The following SLC14A2 variants were observed in gnomAD, a reference collection of about 807,000 sequenced individuals.
The protein encoded by SLC14A2 is urea transporter 2.
A neutral mutation model predicts 104.6 loss-of-function variants in SLC14A2; 91 were observed. The ratio of observed to expected loss-of-function variants is 0.87; its 90% CI spans 0.73 to 1.04. The LOEUF is 1.04. SLC14A2 is among the 50% of genes least tolerant of loss of function. The pLI, the probability that SLC14A2 is intolerant of heterozygous loss-of-function variation, is 0.00. For missense variants in SLC14A2, 1,189 were observed against 1,156.0 expected, an observed-to-expected ratio of 1.03 and a Z score of -0.41; for synonymous variants, 476 against 466.4, an observed-to-expected ratio of 1.02 and a Z score of -0.27.
chr18:45,429,333 A>C (rs1353130041), intron 1 of SLC14A2, among the ~76,000 whole-genome samples: 1 of 152,196 alleles, frequency 6.6e-6, no homozygotes, highest in Non-Finnish European at 1.5e-5. Context: ...TCTGTGGAAG[A>C]CTTGCCTATG....
At chr18:45,360,071 C>T (rs559233249) in intron 1 of SLC14A2, among the ~76,000 whole-genome samples, 3 of 152,328 alleles carry the variant, frequency 2.0e-5, no homozygotes, top group Admixed American at 1.3e-4. Flanking sequence ...TACTCAGCTC[C>T]GGACTTCTGC....
intron 2 of SLC14A2, among the ~76,000 whole-genome samples, chr18:45,608,309 A>C (rs1308280188): frequency 1.3e-5 from 2 of 152,212 alleles, no homozygotes; most frequent in African/African-American, 4.8e-5. Flanking sequence ...AGATGGGAGG[A>C]GAGAGGTGAA....
chr18:45,511,311 T>TG (rs2043362381), intron 2 of SLC14A2, among the ~76,000 whole-genome samples: 2 of 152,220 alleles, frequency 1.3e-5, no homozygotes, highest in Non-Finnish European at 2.9e-5. Flanking sequence ...CTCTATATTT[T>TG]GGGGCAGTGG....
chr18:45,512,322 T>A, intron 2 of SLC14A2, among the ~76,000 whole-genome samples: 1 of 150,114 alleles, frequency 6.7e-6, no homozygotes, highest in Non-Finnish European at 1.5e-5. Flanking sequence ...ATGGAAGGAG[T>A]GGAGAAAAAA....
At chr18:45,318,869 C>T (rs2085157561) in intron 1 of SLC14A2, among the ~76,000 whole-genome samples, 1 of 152,214 alleles carries the variant, frequency 6.6e-6, no homozygotes, top group East Asian at 1.9e-4. Context: ...CCAAGGAGGC[C>T]TCAGTGAATG....
intron 1 of SLC14A2, among the ~76,000 whole-genome samples, chr18:45,474,307 A>T (rs1423933998): frequency 6.6e-6 from 1 of 152,176 alleles, no homozygotes; most frequent in African/African-American, 2.4e-5. Flanking sequence ...TTTTGCATCA[A>T]TGTTCATCAG....
intron 1 of SLC14A2, among the ~76,000 whole-genome samples, chr18:45,286,108 A>G (rs1184837055): frequency 1.3e-5 from 2 of 152,144 alleles, no homozygotes; most frequent in African/African-American, 4.8e-5. Flanking sequence ...TGAGTGAAAA[A>G]TCTTCATTTT....
At chr18:45,241,689 G>A (rs2084319225) in intron 1 of SLC14A2, among the ~76,000 whole-genome samples, 1 of 145,382 alleles carries the variant, frequency 6.9e-6, no homozygotes. Flanking sequence ...TGTTGCCCAG[G>A]CTGGAATGCA....
At position 45,411,418 on chromosome 18, in the gene SLC14A2, C is replaced by T. The variant is rs1598771795; in HGVS notation, c.-124-71815C>T. Among the ~76,000 whole-genome samples, 10 of 152,252 alleles carry T rather than the reference C, an allele frequency of 6.6e-5. No homozygotes were observed. In the South Asian group the frequency reaches 1.9e-3, roughly 28 times the overall value. On this transcript the variant is annotated intron_variant, in intron 1 of 20. Transcript: ENST00000586448. ...ATAAAACTTTATTTTGTTAAAAACT[C>T]TAGTGAAGGAAATTATACAACAGAA...
chr18:45,178,995 T>C, the SLC14A2 span, among the ~76,000 whole-genome samples: 1 of 152,212 alleles, frequency 6.6e-6, no homozygotes, highest in Non-Finnish European at 1.5e-5. Context: ...AGATGGTTGC[T>C]GGAAATGTAA....
At chr18:45,490,357 A>G (rs185473149) in intron 2 of SLC14A2, among the ~76,000 whole-genome samples, 16 of 152,334 alleles carry the variant, frequency 1.1e-4, no homozygotes, top group Admixed American at 6.5e-4. Flanking sequence ...TGGGGAAGGA[A>G]TAGACTGTTT....
chr18:45,293,573 G>A (rs1599650123), intron 1 of SLC14A2, among the ~76,000 whole-genome samples: 1 of 151,756 alleles, frequency 6.6e-6, no homozygotes, highest in East Asian at 1.9e-4. Context: ...TGAGGGAAAA[G>A]TAGAATTGTA....
At chr18:45,636,638 A>G (rs1382740925) in intron 5 of SLC14A2, among the ~76,000 whole-genome samples, 2 of 152,242 alleles carry the variant, frequency 1.3e-5, no homozygotes, top group African/African-American at 2.4e-5. Flanking sequence ...AAGGCAATAC[A>G]TTACATTTTG....
chr18:45,654,363 C>T (rs1408983017), intron 10 of SLC14A2, among the ~76,000 whole-genome samples: 3 of 152,094 alleles, frequency 2.0e-5, no homozygotes, highest in Non-Finnish European at 4.4e-5. Context: ...ACCAGAGACG[C>T]CGCCCAATCA....
chr18:45,613,016 T>G (rs1661374341), upstream of SLC14A2, among the ~76,000 whole-genome samples: 1 of 126,750 alleles, frequency 7.9e-6, no homozygotes, highest in Admixed American at 8.5e-5. Flanking sequence ...CTTTATAAAT[T>G]ACCCAGTCTT....
intron 1 of SLC14A2, among the ~76,000 whole-genome samples, chr18:45,386,900 G>A (rs1421788859): frequency 6.6e-6 from 1 of 152,234 alleles, no homozygotes; most frequent in Non-Finnish European, 1.5e-5. Context: ...GGCACATGGT[G>A]AGCACAGGCA....
At chr18:45,222,691 A>G (rs920366317) in intron 1 of SLC14A2, among the ~76,000 whole-genome samples, 18 of 71,966 alleles carry the variant, frequency 2.5e-4, no homozygotes, top group African/African-American at 1.4e-3. Context: ...CAGGTCTGCA[A>G]AAGATCACCA....
intron 2 of SLC14A2, among the ~76,000 whole-genome samples, chr18:45,542,060 T>TGG (rs1568268351): frequency 7.0e-6 from 1 of 142,180 alleles, no homozygotes; most frequent in Non-Finnish European, 1.5e-5. Context: ...TTTTTTTTTT[T>TGG]TTTTTTTTTT....
At chr18:45,357,237 A>ATTTTTT (rs56321113) in intron 1 of SLC14A2, among the ~76,000 whole-genome samples, 42 of 126,436 alleles carry the variant, frequency 3.3e-4, no homozygotes, top group African/African-American at 1.3e-3. Context: ...TTGGGACACA[A>ATTTTTT]TTTTTTTTTT....
Sources: gnomAD v4.1 joint callset for allele counts (sites outside exome capture counted in the v4.1 genomes callset) on GRCh38, gnomAD v4.1.1 for gene constraint, MANE v1.5 for transcripts, NCBI Gene and HGNC (gene_info 2026-07-23, HGNC 2026-07-21) for gene names.